The following SORCS1 variants were observed in gnomAD, a reference collection of about 807,000 sequenced individuals.
SORCS1 encodes VPS10 domain-containing receptor SorCS1.
Under a neutral mutation model 146.1 loss-of-function variants are expected in SORCS1, and 60 were observed. That is an observed-to-expected ratio of 0.41 (90% CI 0.33 to 0.51). The LOEUF (loss-of-function observed/expected upper bound fraction) is 0.51, where lower values mean the gene tolerates loss of function less well. Among genes scored for constraint, SORCS1 ranks in the 20% least tolerant of loss-of-function variants. The pLI is 0.21. For synonymous variants in SORCS1, 637 were observed against 584.0 expected, an observed-to-expected ratio of 1.09 and a Z score of -1.31; for missense variants, 1,352 against 1,487.6, an observed-to-expected ratio of 0.91 and a Z score of 1.50.
chr10:107,137,604 T>C (rs1231080084), intron 1 of SORCS1, among the ~76,000 whole-genome samples: 1 of 152,206 alleles, frequency 6.6e-6, no homozygotes, highest in Non-Finnish European at 1.5e-5. Flanking sequence ...TGGCTCCGCC[T>C]GTAATCTCAA....
chr10:107,156,062 T>C (rs938546619), intron 1 of SORCS1, among the ~76,000 whole-genome samples: 14 of 152,118 alleles, frequency 9.2e-5, no homozygotes, highest in Non-Finnish European at 1.5e-4. Flanking sequence ...AGCGGGTTAT[T>C]GCCAAGTAAA....
intron 1 of SORCS1, among the ~76,000 whole-genome samples, chr10:106,993,826 C>G (rs1956873452): frequency 1.3e-5 from 2 of 152,098 alleles, no homozygotes; most frequent in Non-Finnish European, 2.9e-5. Context: ...GTAATCCCTA[C>G]ACTTTGGGAG....
At chr10:106,654,417 A>C (rs1394351364) in intron 17 of SORCS1, among the ~76,000 whole-genome samples, 2 of 152,170 alleles carry the variant, frequency 1.3e-5, no homozygotes, top group African/African-American at 2.4e-5. Context: ...TGCTACTTTA[A>C]ATGGAGTAAG....
At chr10:107,007,620 G>C (rs1354676952) in intron 1 of SORCS1, among the ~76,000 whole-genome samples, 3 of 152,182 alleles carry the variant, frequency 2.0e-5, no homozygotes, top group Non-Finnish European at 4.4e-5. Context: ...AGATATGTTG[G>C]AGTTTTAGCC....
chr10:107,164,124 C>T lies in SORCS1; in HGVS notation c.403G>A (p.Gly135Arg), dbSNP rs1401682816. 1.9e-6 allele frequency: 3 copies of T among 1,613,728 alleles called. No individual in the cohort carries two copies. Among genetic ancestry groups the T allele is most frequent in the Non-Finnish European group, 2.5e-6 (3 of 1,180,014 alleles). The change falls in exon 1 of 26, where the codon GGA becomes AGA. Residue 135 changes from glycine (G) to arginine (R), a missense_variant. Physicochemically the swap from Gly to Arg is moderately radical, Grantham distance 125. Transcript: ENST00000263054. The surrounding 1 kb of genome is among the most constrained non-coding windows in gnomAD (Gnocchi z 6.8). ...SRSPRGVLRD[G>R]GQQEPGTRER... The stretch of plus-strand genomic sequence containing the variant: ...CGAGTCCCAGGCTCCTGCTGCCCTC[C>T]ATCTCTTAGCACTCCCCGGGGGCTC...
chr10:106,977,906 C>A lies in SORCS1; in HGVS notation c.559-21326G>T, dbSNP rs975100118. Among the ~76,000 whole-genome samples, 5 of 152,186 alleles carry A rather than the reference C, an allele frequency of 3.3e-5. No homozygotes were observed. The East Asian group carries it at 9.6e-4, about 29-fold the overall frequency. On this transcript the variant is annotated intron_variant, in intron 1 of 25. Coordinates refer to ENST00000263054, the MANE Select transcript of SORCS1 (RefSeq NM_052918.5). ...TTGCTTTGCAAAATGGTAGCACATT[C>A]CCAAAATGTCAGAGTTCGAGTGCGC...
intron 16 of SORCS1, among the ~76,000 whole-genome samples, chr10:106,668,656 A>C (rs1324472776): frequency 6.6e-6 from 1 of 152,200 alleles, no homozygotes; most frequent in Non-Finnish European, 1.5e-5. Context: ...AGGGTCAGTA[A>C]GGGAGAAATA....
chr10:106,695,925 C>T lies in SORCS1; in HGVS notation c.1413+3289G>A, dbSNP rs558164156. On this transcript the variant is annotated intron_variant, in intron 9 of 25. Coordinates refer to ENST00000263054, the MANE Select transcript of SORCS1 (RefSeq NM_052918.5). ...ACACATAGTTCTAGGGTAGAGAACA[C>T]AGAATCTGTAGCCAGGTTCCAATGT... Among the ~76,000 whole-genome samples the T allele has an allele frequency of 1.0e-3, 155 of 152,312 alleles. 1 individual carries two copies. The highest frequency in any genetic ancestry group is 1.5e-3 in the Non-Finnish European group (100 of 68,024).
At chr10:106,869,962 G>A (rs1385356794) in intron 2 of SORCS1, among the ~76,000 whole-genome samples, 1 of 138,676 alleles carries the variant, frequency 7.2e-6, no homozygotes, top group Non-Finnish European at 1.7e-5. Flanking sequence ...TGGCCCCAAA[G>A]CTCCTTCAGC....
intron 10 of SORCS1, among the ~76,000 whole-genome samples, chr10:106,680,691 CA>C (rs909631925): frequency 7.9e-5 from 12 of 152,088 alleles, no homozygotes; most frequent in African/African-American, 2.4e-4. Flanking sequence ...ACTGAGTTGT[CA>C]AAAAATATAA....
At chr10:106,888,275 C>A (rs1951084834) in intron 2 of SORCS1, among the ~76,000 whole-genome samples, 1 of 152,210 alleles carries the variant, frequency 6.6e-6, no homozygotes, top group East Asian at 1.9e-4. Flanking sequence ...ACTTCATAGT[C>A]TCCTTATAAG....
chr10:106,629,503 C>T, intron 18 of SORCS1, 115 bp from the exon 19 acceptor site: 1 of 982,680 alleles, frequency 1.0e-6, no homozygotes, highest in Non-Finnish European at 1.5e-6. Flanking sequence ...GCAGCCCTGG[C>T]TCACTCCTAC....
rs1331438009 is a variant in SORCS1, at chr10:107,164,321, G to C, written c.206C>G (p.Pro69Arg). 2 of 1,558,944 alleles carry C rather than the reference G, an allele frequency of 1.3e-6. No homozygotes were observed. The highest frequency in any genetic ancestry group is 1.7e-6 in the Non-Finnish European group (2 of 1,155,778). Reference sequence around the variant, plus strand: ...CAGGGGACGCACTACGAGGGGCAGGGGCGTGGCAGGAGCCCTGCCTGGCCG... The same window carrying C: ...CAGGGGACGCACTACGAGGGGCAGGCGCGTGGCAGGAGCCCTGCCTGGCCG... ...QGRPGRAPAT[P>R]LPLVVRPLFS... is the part of the protein sequence containing the mutation. Residue 69 changes from proline (P) to arginine (R), a missense_variant, in exon 1 of 26, where the codon CCC becomes CGC. Pro to Arg is a moderately radical substitution (Grantham distance 103). Transcript: ENST00000263054. This position sits in a 1 kb window ranked among gnomAD's most constrained non-coding sequence, Gnocchi z 6.8.
chr10:106,629,429 C>T (rs779085651), intron 18 of SORCS1, 41 bp from the exon 19 acceptor site: 44 of 1,602,188 alleles, frequency 2.7e-5, no homozygotes, highest in African/African-American at 6.7e-5. Flanking sequence ...AGTTAGTATT[C>T]GGCTGCTCCT....
intron 2 of SORCS1, among the ~76,000 whole-genome samples, chr10:106,929,061 A>G (rs1177253335): frequency 6.6e-6 from 1 of 152,160 alleles, no homozygotes; most frequent in African/African-American, 2.4e-5. Context: ...AGAAATGCAC[A>G]GGCTCTCATA....
chr10:106,796,989 C>A (rs761991399), intron 3 of SORCS1, among the ~76,000 whole-genome samples: 1 of 152,090 alleles, frequency 6.6e-6, no homozygotes, highest in Non-Finnish European at 1.5e-5. Context: ...TGCCTGTAGT[C>A]CTAGCTACTC....
intron 18 of SORCS1, among the ~76,000 whole-genome samples, chr10:106,643,332 T>C (rs1849193867): frequency 6.6e-6 from 1 of 152,232 alleles, no homozygotes; most frequent in African/African-American, 2.4e-5. Flanking sequence ...GTGTCAAGTG[T>C]CAATTCTCCT....
intron 1 of SORCS1, among the ~76,000 whole-genome samples, chr10:107,020,632 A>G (rs942133596): frequency 2.6e-5 from 4 of 152,232 alleles, no homozygotes; most frequent in Non-Finnish European, 5.9e-5. Flanking sequence ...GCCCTCATGC[A>G]GTGTGGGAAA....
At chr10:106,585,408 C>G (rs1249659521) in intron 24 of SORCS1, among the ~76,000 whole-genome samples, 1 of 152,096 alleles carries the variant, frequency 6.6e-6, no homozygotes, top group South Asian at 2.1e-4. Context: ...TTTTCTGGAT[C>G]ACTAAAACAA....
Sources: gnomAD v4.1 joint callset for allele counts (sites outside exome capture counted in the v4.1 genomes callset) on GRCh38, gnomAD v4.1.1 for gene constraint, Gnocchi (gnomAD v3.1) non-coding constraint, MANE v1.5 for transcripts, NCBI Gene and HGNC (gene_info 2026-07-23, HGNC 2026-07-21) for gene names.